RYK: variants seen among roughly 807,000 people sequenced by gnomAD.
RYK encodes inactive tyrosine-protein kinase RYK.
Under a neutral mutation model 70.2 loss-of-function variants are expected in RYK, and 21 were observed. The ratio of observed to expected loss-of-function variants is 0.30; its 90% CI spans 0.21 to 0.43. RYK has a LOEUF of 0.43. Among genes scored for constraint, RYK ranks in the 20% least tolerant of loss-of-function variants. The pLI is 1.00. For missense variants in RYK, 604 were observed against 753.3 expected, an observed-to-expected ratio of 0.80 and a Z score of 2.32; for synonymous variants, 267 against 278.0, an observed-to-expected ratio of 0.96 and a Z score of 0.39.
intron 2 of RYK, among the ~76,000 whole-genome samples, chr3:134,212,677 T>A (rs2014436574): frequency 6.6e-6 from 1 of 152,178 alleles, no homozygotes; most frequent in Non-Finnish European, 1.5e-5. Context: ...TATGTATATA[T>A]GCTAGTGAAA....
intron 9 of RYK, among the ~76,000 whole-genome samples, chr3:134,188,380 T>A (rs1427074267): frequency 1.3e-5 from 2 of 152,064 alleles, no homozygotes; most frequent in South Asian, 4.1e-4. Context: ...CAGGCTGGTC[T>A]CGAACTCCTG....
In RYK at chr3:134,180,759, G is replaced by A. The variant is rs2013266933; in HGVS notation, c.1172+2243C>T. On this transcript the variant is annotated intron_variant, in intron 10 of 14. Coordinates refer to ENST00000623711, the MANE Select transcript of RYK (RefSeq NM_002958.4). The stretch of plus-strand genomic sequence containing the variant: ...AAGAATAATATACTTTCTACATGCT[G>A]ACAATGTGTTTTATTCATTGTAACT... 2.0e-5 allele frequency: 3 copies of A among 152,180 alleles called. No homozygotes were observed. In the South Asian group the frequency reaches 6.2e-4, roughly 32 times the overall value. 9.4% of individuals were successfully genotyped at this position (152,180 alleles called of 1,614,324 possible).
rs112397263 is a variant in RYK, at chr3:134,189,422, C to T, written c.1016-499G>A. 9.0e-3 allele frequency among the ~76,000 whole-genome samples: 1,371 copies of T among 152,148 alleles called. 5 individuals carry two copies. The highest frequency in any genetic ancestry group is 0.016 in the Non-Finnish European group (1,069 of 68,004). On this transcript the variant is annotated intron_variant, in intron 8 of 14. Transcript: ENST00000623711. ...CACTCCTCAGAAGGTCTCAGACAAGCCAATTAGACTCTCGGTTCACTGGTA... is the reference window on the plus strand; with the variant it reads ...CACTCCTCAGAAGGTCTCAGACAAGTCAATTAGACTCTCGGTTCACTGGTA...
At chr3:134,160,170 A>T (rs1186611532) in intron 13 of RYK, among the ~76,000 whole-genome samples, 2 of 152,230 alleles carry the variant, frequency 1.3e-5, no homozygotes, top group Non-Finnish European at 1.5e-5. Flanking sequence ...CTGTAGTATC[A>T]GGTTTATGAG....
intron 9 of RYK, 42 bp from the exon 10 acceptor site, chr3:134,183,113 CAT>C (rs1441697069): frequency 8.8e-7 from 1 of 1,134,086 alleles, no homozygotes; most frequent in Admixed American, 2.3e-5. Flanking sequence ...AATAATACTA[CAT>C]ATATGGCATT....
At chr3:134,196,940 C>T (rs1333999893) in intron 6 of RYK, among the ~76,000 whole-genome samples, 3 of 152,162 alleles carry the variant, frequency 2.0e-5, no homozygotes, top group African/African-American at 4.8e-5. Flanking sequence ...GAAATGCCCC[C>T]CCAGCATGCC....
At chr3:134,194,843 T>C (rs1258415511) in intron 7 of RYK, among the ~76,000 whole-genome samples, 2 of 152,214 alleles carry the variant, frequency 1.3e-5, no homozygotes, top group Non-Finnish European at 2.9e-5. Flanking sequence ...AATAAATCTA[T>C]GGAAATCTCC....
intron 5 of RYK, among the ~76,000 whole-genome samples, chr3:134,206,029 C>T (rs560400363): frequency 6.6e-6 from 1 of 152,290 alleles, no homozygotes; most frequent in Admixed American, 6.5e-5. Context: ...TAATATCCTA[C>T]TAGCATAAAA....
intron 13 of RYK, among the ~76,000 whole-genome samples, chr3:134,168,158 T>C (rs2108144683): frequency 6.6e-6 from 1 of 152,222 alleles, no homozygotes; most frequent in East Asian, 1.9e-4. Flanking sequence ...TAGAAACACT[T>C]TTACACTGTT....
intron 13 of RYK, among the ~76,000 whole-genome samples, chr3:134,172,988 T>A (rs2012972473): frequency 6.6e-6 from 1 of 152,216 alleles, no homozygotes; most frequent in African/African-American, 2.4e-5. Context: ...GTGAAGCAGA[T>A]CACATCCCTT....
intron 6 of RYK, among the ~76,000 whole-genome samples, chr3:134,200,061 G>A (rs763504991): frequency 2.6e-5 from 4 of 152,040 alleles, no homozygotes; most frequent in Non-Finnish European, 5.9e-5. Context: ...TCAGCTCTCT[G>A]TAAAATGGAC....
At chr3:134,195,545 G>GA (rs941707405) in intron 6 of RYK, among the ~76,000 whole-genome samples, 21 of 152,316 alleles carry the variant, frequency 1.4e-4, no homozygotes, top group African/African-American at 5.1e-4. Context: ...TTGCTTTTTA[G>GA]AAAAGAAGAA....
chr3:134,163,997 A>T (rs899379296), intron 13 of RYK, among the ~76,000 whole-genome samples: 2 of 152,106 alleles, frequency 1.3e-5, no homozygotes, highest in Non-Finnish European at 2.9e-5. Flanking sequence ...TATTTAATTA[A>T]TTATTTATTT....
intron 1 of RYK, among the ~76,000 whole-genome samples, chr3:134,246,503 TAA>T (rs924308282): frequency 4.0e-5 from 6 of 150,710 alleles, no homozygotes; most frequent in Non-Finnish European, 8.9e-5. Flanking sequence ...CAAAAACTTA[TAA>T]AACTTCAGAA....
intron 10 of RYK, chr3:134,178,512 A>G (rs1172855016): frequency 6.6e-6 from 1 of 152,440 alleles, no homozygotes; most frequent in Non-Finnish European, 1.5e-5. Context: ...ATGATCATCA[A>G]AAAAGGTCTC....
chr3:134,182,948 G>A, intron 10 of RYK, 54 bp downstream of exon 10: 2 of 1,061,652 alleles, frequency 1.9e-6, no homozygotes, highest in East Asian at 2.6e-5. Flanking sequence ...ATAAAAATGT[G>A]GCATCAAGTG....
rs139909423 is a variant in RYK at position 134,225,696 on chromosome 3, A to T, written c.233-3157T>A. ...CAGCAACAACCCATCTCTATAAAAA[A>T]CTTTTTTTAAATTAGCTGGGAGTGG... On this transcript the variant is annotated intron_variant, in intron 1 of 14. Transcript: ENST00000623711. 2.3e-3 allele frequency among the ~76,000 whole-genome samples: 346 copies of T among 152,196 alleles called. 1 individual carries two copies. The highest frequency in any genetic ancestry group is 7.4e-3 in the African/African-American group (307 of 41,512).
Position 134,157,971 on chromosome 3 carries a change from A to C in RYK, c.*182T>G, listed in dbSNP as rs2012307708. ...CAACCTAATAAAAGTGATATCTAGA[A>C]AATATGCCACATTATTAAGTCTGTC... On this transcript the variant is annotated 3_prime_UTR_variant, in exon 15 of 15. Transcript: ENST00000623711. 5.0e-6 allele frequency: 2 copies of C among 397,002 alleles called. No individual in the cohort carries two copies. Among genetic ancestry groups the C allele is most frequent in the Non-Finnish European group, 8.8e-6 (2 of 226,176 alleles). The allele number at this position is 397,002 out of a possible 1,614,324, so 24.6% of individuals were successfully genotyped here. A position where few individuals can be genotyped will look rare whatever the true frequency, so the allele number is the denominator to read the frequency against.
intron 1 of RYK, among the ~76,000 whole-genome samples, chr3:134,243,251 C>T (rs1449114439): frequency 6.6e-6 from 1 of 152,210 alleles, no homozygotes; most frequent in Non-Finnish European, 1.5e-5. Context: ...CCTCCCCTTT[C>T]TTTAGCCCTA....
Sources: allele counts gnomAD v4.1 joint callset (sites outside exome capture counted in the v4.1 genomes callset), GRCh38; gene constraint gnomAD v4.1.1; transcripts MANE v1.5; gene names NCBI Gene and HGNC (gene_info 2026-07-23, HGNC 2026-07-21).